CELF4: variants seen among roughly 807,000 people sequenced by gnomAD.
CELF4 encodes the protein CUG-BP- and ETR-3-like factor 4.
Under a neutral mutation model 59.9 loss-of-function variants are expected in CELF4, and 18 were observed. The ratio of observed to expected loss-of-function variants is 0.30; its 90% CI spans 0.21 to 0.45. CELF4 has a LOEUF of 0.45. Ranked by LOEUF, CELF4 falls within the 20% of genes least tolerant of loss-of-function variation. CELF4 has a pLI of 1.00. For missense variants in CELF4, 456 were observed against 689.0 expected (o/e 0.66, Z 3.79); for synonymous variants, 261 against 267.1 (o/e 0.98, Z 0.22).
intron 2 of CELF4, among the ~76,000 whole-genome samples, chr18:37,436,527 G>C (rs1328550039): frequency 6.6e-6 from 1 of 152,234 alleles, no homozygotes; most frequent in African/African-American, 2.4e-5. Flanking sequence ...TCAAGAGCCA[G>C]GGCTGACCTC....
At chr18:37,451,478 C>T (rs930150664) in intron 2 of CELF4, among the ~76,000 whole-genome samples, 5 of 152,062 alleles carry the variant, frequency 3.3e-5, no homozygotes, top group African/African-American at 1.2e-4. Context: ...CAGGTATGTA[C>T]CCATGTGCAT....
chr18:37,317,601 T>C (rs192819979), intron 3 of CELF4, among the ~76,000 whole-genome samples: 139 of 152,314 alleles, frequency 9.1e-4, no homozygotes, highest in African/African-American at 3.3e-3. Flanking sequence ...GGACTCTTCC[T>C]GGTGCTTGCT....
intron 3 of CELF4, among the ~76,000 whole-genome samples, chr18:37,298,079 C>G (rs2095775182): frequency 1.3e-5 from 2 of 152,182 alleles, no homozygotes; most frequent in Admixed American, 1.3e-4. Context: ...CACGAATGGG[C>G]TAAGGATTAA....
At chr18:37,319,500 G>T (rs1436280139) in intron 3 of CELF4, among the ~76,000 whole-genome samples, 5 of 152,222 alleles carry the variant, frequency 3.3e-5, no homozygotes, top group Admixed American at 6.5e-5. Flanking sequence ...CGGGTTGGGA[G>T]GGGGCCTGAG....
chr18:37,331,379 G>A (rs373013420), intron 2 of CELF4, among the ~76,000 whole-genome samples: 2 of 152,146 alleles, frequency 1.3e-5, no homozygotes, highest in Non-Finnish European at 2.9e-5. Flanking sequence ...TACACTCACC[G>A]CCTTTCCAGT....
intron 2 of CELF4, among the ~76,000 whole-genome samples, chr18:37,328,845 C>T (rs1451521564): frequency 6.6e-6 from 1 of 152,200 alleles, no homozygotes; most frequent in Non-Finnish European, 1.5e-5. Flanking sequence ...GCCCTAATCC[C>T]ACCAGCATCA....
chr18:37,466,140 A>G (rs1354755679), intron 2 of CELF4, among the ~76,000 whole-genome samples: 2 of 152,186 alleles, frequency 1.3e-5, no homozygotes, highest in Admixed American at 6.5e-5. Flanking sequence ...GCTCTTGATC[A>G]CTGTCAGCTG....
chr18:37,463,788 C>A (rs1037371573), intron 2 of CELF4, among the ~76,000 whole-genome samples: 1 of 152,212 alleles, frequency 6.6e-6, no homozygotes, highest in Admixed American at 6.5e-5. Context: ...GCCCTCTAAA[C>A]ACTCCTGTCA....
intron 1 of CELF4, among the ~76,000 whole-genome samples, chr18:37,560,947 ATC>A (rs1490584677): frequency 6.6e-6 from 1 of 152,250 alleles, no homozygotes; most frequent in East Asian, 1.9e-4. Flanking sequence ...ACATATTCAT[ATC>A]CCCGTCCTTC....
intron 2 of CELF4, among the ~76,000 whole-genome samples, chr18:37,354,903 G>A (rs2098537727): frequency 1.3e-5 from 2 of 152,264 alleles, no homozygotes; most frequent in African/African-American, 4.8e-5. Context: ...TTAGGCCTCA[G>A]TGAGGCCTCT....
chr18:37,501,072 G>A (rs2099931324), intron 1 of CELF4, among the ~76,000 whole-genome samples: 2 of 152,222 alleles, frequency 1.3e-5, no homozygotes. Context: ...GGCCAGCTGA[G>A]AGCAGAGGTC....
At chr18:37,333,894 G>A (rs1449208241) in intron 2 of CELF4, among the ~76,000 whole-genome samples, 2 of 152,086 alleles carry the variant, frequency 1.3e-5, no homozygotes, top group East Asian at 3.9e-4. Context: ...ACAGCAACAT[G>A]AGTGTCTCTT....
chr18:37,265,981 C>T (rs1440843630), intron 9 of CELF4, among the ~76,000 whole-genome samples: 1 of 152,158 alleles, frequency 6.6e-6, no homozygotes, highest in African/African-American at 2.4e-5. Context: ...AGGCCCTCTG[C>T]TCACTCAGGG....
chr18:37,544,235 G>A (rs1386894605), intron 1 of CELF4, among the ~76,000 whole-genome samples: 2 of 148,490 alleles, frequency 1.3e-5, no homozygotes, highest in Admixed American at 6.8e-5. Flanking sequence ...ATGCTCCACC[G>A]AAATCACTGC....
At chr18:37,416,491 A>G (rs2099529864) in intron 2 of CELF4, among the ~76,000 whole-genome samples, 1 of 152,172 alleles carries the variant, frequency 6.6e-6, no homozygotes, top group Non-Finnish European at 1.5e-5. Flanking sequence ...GATTCCCCAA[A>G]GCATCTTGGT....
intron 2 of CELF4, among the ~76,000 whole-genome samples, chr18:37,429,058 T>TGCC (rs938118297): frequency 6.6e-6 from 1 of 152,146 alleles, no homozygotes; most frequent in African/African-American, 2.4e-5. Flanking sequence ...TTGTCTCTGC[T>TGCC]GCCGTATCTT....
chr18:37,287,083 G>A (rs1462512508), intron 3 of CELF4, among the ~76,000 whole-genome samples: 2 of 152,188 alleles, frequency 1.3e-5, no homozygotes, highest in Non-Finnish European at 2.9e-5. Flanking sequence ...GGCTGCCATG[G>A]AAATCACCTG....
intron 1 of CELF4, among the ~76,000 whole-genome samples, chr18:37,508,704 G>A (rs2099940951): frequency 6.6e-6 from 1 of 152,208 alleles, no homozygotes; most frequent in South Asian, 2.1e-4. Flanking sequence ...TGGTCTGGTG[G>A]ACTGGGGGCC....
intron 1 of CELF4, among the ~76,000 whole-genome samples, chr18:37,525,365 G>C (rs372208606): frequency 6.9e-4 from 105 of 152,314 alleles, no homozygotes; most frequent in African/African-American, 2.4e-3. Context: ...CGTGTTAGAA[G>C]AGGCATGGCC....
Sources: allele counts gnomAD v4.1 joint callset (sites outside exome capture counted in the v4.1 genomes callset), GRCh38; gene constraint gnomAD v4.1.1; transcripts MANE v1.5; gene names NCBI Gene and HGNC (gene_info 2026-07-23, HGNC 2026-07-21).